The following IMMP2L variants were observed in gnomAD, a reference collection of about 807,000 sequenced individuals.
IMMP2L encodes inner mitochondrial membrane peptidase subunit 2.
Under a neutral mutation model 19.3 loss-of-function variants are expected in IMMP2L, and 18 were observed. That is an observed-to-expected ratio of 0.93 (90% confidence interval 0.64 to 1.38). The LOEUF (loss-of-function observed/expected upper bound fraction) is 1.38, where lower values mean the gene tolerates loss of function less well. Ranked by LOEUF, IMMP2L falls within the 40% of genes most tolerant of loss-of-function variation. IMMP2L has a pLI of 0.00. For missense variants in IMMP2L, 233 were observed against 218.2 expected (o/e 1.07, Z -0.43); for synonymous variants, 76 against 73.0 (o/e 1.04, Z -0.21).
At chr7:111,422,183 C>A (rs1048091160) in intron 3 of IMMP2L, among the ~76,000 whole-genome samples, 19 of 151,762 alleles carry the variant, frequency 1.3e-4, no homozygotes, top group Non-Finnish European at 1.8e-4. Flanking sequence ...GTTCTTTTGG[C>A]TTAGGAGTGT....
At chr7:110,940,085 G>A (rs1361435216) in intron 4 of IMMP2L, among the ~76,000 whole-genome samples, 5 of 151,982 alleles carry the variant, frequency 3.3e-5, no homozygotes, top group South Asian at 2.1e-4. Context: ...TTGGGAGGCC[G>A]AGGTGGGAGG....
Position 111,409,607 on chromosome 7 carries a change from G to T in IMMP2L, c.239+77631C>A, listed in dbSNP as rs138502898. On this transcript the variant is annotated intron_variant, in intron 3 of 5. Coordinates refer to ENST00000405709, the MANE Select transcript of IMMP2L (RefSeq NM_032549.4). ...TATAACCTTGGTTAAATAATCTTAT[G>T]GTCTCTATATAAAGATTTGAAATTT... Among the ~76,000 whole-genome samples the T allele has an allele frequency of 1.6e-4, 24 of 151,404 alleles. 1 individual carries two copies. The highest frequency in any genetic ancestry group is 2.5e-4 in the Non-Finnish European group (17 of 67,876).
At chr7:110,704,964 GA>G (rs1794549008) in intron 5 of IMMP2L, among the ~76,000 whole-genome samples, 1 of 151,994 alleles carries the variant, frequency 6.6e-6, no homozygotes, top group South Asian at 2.1e-4. Flanking sequence ...ACCTCTGTTT[GA>G]AAAAAGTCAA....
rs148662527 is a variant in IMMP2L, at chr7:110,881,619, C to A, written c.408+4974G>T. Among the ~76,000 whole-genome samples the A allele has an allele frequency of 9.7e-3, 1,470 of 152,022 alleles. 24 individuals are homozygous for A. Among genetic ancestry groups the A allele is most frequent in the African/African-American group, 0.034 (1,406 of 41,332 alleles). On this transcript the variant is annotated intron_variant, in intron 5 of 5. Coordinates refer to ENST00000405709, the MANE Select transcript of IMMP2L (RefSeq NM_032549.4). ...GGATCCTGTCAACACTGTCTAATGA[C>A]CTTTTTTAAAATTTGAAATGGCTGA...
At chr7:111,178,577 CCT>C (rs1182648070) in intron 3 of IMMP2L, among the ~76,000 whole-genome samples, 1 of 152,050 alleles carries the variant, frequency 6.6e-6, no homozygotes, top group African/African-American at 2.4e-5. Flanking sequence ...CCTCTCAAAC[CCT>C]GTCACTGCTT....
At chr7:110,951,536 A>C (rs2129554215) in intron 4 of IMMP2L, among the ~76,000 whole-genome samples, 1 of 129,554 alleles carries the variant, frequency 7.7e-6, no homozygotes, top group African/African-American at 2.9e-5. Flanking sequence ...GCATGTATAT[A>C]TGGTGTGTGT....
intron 4 of IMMP2L, among the ~76,000 whole-genome samples, chr7:110,931,190 A>G (rs113330188): frequency 6.3e-4 from 96 of 152,310 alleles, no homozygotes; most frequent in African/African-American, 2.2e-3. Context: ...GTTTTGCAGG[A>G]AAGTTCCAAA....
chr7:110,882,282 C>A (rs911796673), intron 5 of IMMP2L, among the ~76,000 whole-genome samples: 1 of 138,552 alleles, frequency 7.2e-6, no homozygotes, highest in Non-Finnish European at 1.5e-5. Context: ...CTCTCTTTGT[C>A]AAGTGCCTTC....
chr7:111,429,330 T>C (rs1005912801), intron 3 of IMMP2L, among the ~76,000 whole-genome samples: 27 of 151,974 alleles, frequency 1.8e-4, no homozygotes, highest in African/African-American at 6.3e-4. Context: ...ACCTACTCTT[T>C]TCAAAAACTC....
chr7:110,777,471 C>T (rs1799467379), intron 5 of IMMP2L, among the ~76,000 whole-genome samples: 1 of 151,902 alleles, frequency 6.6e-6, no homozygotes, highest in Admixed American at 6.6e-5. Flanking sequence ...CTAGTTTTAA[C>T]CTTGCTGTTC....
At chr7:111,338,060 A>G (rs1266536308) in intron 3 of IMMP2L, among the ~76,000 whole-genome samples, 1 of 152,138 alleles carries the variant, frequency 6.6e-6, no homozygotes, top group African/African-American at 2.4e-5. Flanking sequence ...CAGAGAACAG[A>G]GTGAGACAAA....
At chr7:111,458,935 C>A (rs1839906945) in intron 3 of IMMP2L, among the ~76,000 whole-genome samples, 1 of 152,124 alleles carries the variant, frequency 6.6e-6, no homozygotes, top group African/African-American at 2.4e-5. Flanking sequence ...AAACTCAATA[C>A]TTGGGGACAT....
intron 3 of IMMP2L, among the ~76,000 whole-genome samples, chr7:111,479,572 A>G (rs1017781665): frequency 1.4e-4 from 22 of 152,030 alleles, no homozygotes; most frequent in Non-Finnish European, 2.2e-4. Flanking sequence ...CTAATATCCT[A>G]ATTAATTTTG....
At chr7:111,535,358 G>A (rs1047814969) in intron 1 of IMMP2L, among the ~76,000 whole-genome samples, 1 of 152,004 alleles carries the variant, frequency 6.6e-6, no homozygotes, top group South Asian at 2.1e-4. Flanking sequence ...AAGAGGAAGA[G>A]GAAAGAAAAA....
intron 3 of IMMP2L, among the ~76,000 whole-genome samples, chr7:111,423,500 C>T (rs1470049780): frequency 6.6e-6 from 1 of 151,760 alleles, no homozygotes; most frequent in Non-Finnish European, 1.5e-5. Flanking sequence ...AGTTTATTTG[C>T]GTAAAGGTGT....
chr7:111,316,046 G>T (rs1824036030), intron 3 of IMMP2L, among the ~76,000 whole-genome samples: 2 of 152,096 alleles, frequency 1.3e-5, no homozygotes, highest in Admixed American at 1.3e-4. Flanking sequence ...ATCCTGTACA[G>T]CATGTAACTG....
intron 5 of IMMP2L, among the ~76,000 whole-genome samples, chr7:110,811,317 C>G (rs796289807): frequency 3.3e-5 from 5 of 152,044 alleles, no homozygotes; most frequent in African/African-American, 1.2e-4. Context: ...CTAGAATGAC[C>G]TTAGTGACTC....
At chr7:110,932,195 G>A (rs1248117277) in intron 4 of IMMP2L, among the ~76,000 whole-genome samples, 1 of 152,038 alleles carries the variant, frequency 6.6e-6, no homozygotes, top group Non-Finnish European at 1.5e-5. Flanking sequence ...GATTCTTATC[G>A]ATGTCCACGT....
At chr7:111,274,842 G>C (rs372879025) in intron 3 of IMMP2L, among the ~76,000 whole-genome samples, 1 of 152,148 alleles carries the variant, frequency 6.6e-6, no homozygotes, top group Admixed American at 6.6e-5. Flanking sequence ...CCAACAGAAA[G>C]AGTAATAGTA....
Sources: gnomAD v4.1 joint callset for allele counts (sites outside exome capture counted in the v4.1 genomes callset) on GRCh38, gnomAD v4.1.1 for gene constraint, MANE v1.5 for transcripts, NCBI Gene and HGNC (gene_info 2026-07-23, HGNC 2026-07-21) for gene names.